The following SGCD variants were observed in gnomAD, a reference collection of about 807,000 sequenced individuals.
SGCD encodes delta-sarcoglycan.
A neutral mutation model predicts 36.6 loss-of-function variants in SGCD; 18 were observed. That is an observed-to-expected ratio of 0.49 (90% CI 0.34 to 0.73). The LOEUF (loss-of-function observed/expected upper bound fraction) is 0.73, where lower values mean the gene tolerates loss of function less well. Ranked by LOEUF, SGCD falls within the 30% of genes least tolerant of loss-of-function variation. The pLI is 0.01. For missense variants in SGCD, 387 were observed against 346.7 expected (o/e 1.12, Z -0.92); for synonymous variants, 133 against 130.6 (o/e 1.02, Z -0.12).
Position 156,615,739 on chromosome 5 carries a change from T to C in SGCD, c.502+20688T>C, listed in dbSNP as rs140357810. Among the ~76,000 whole-genome samples the C allele has an allele frequency of 1.8e-3, 279 of 152,336 alleles. 1 individual carries two copies. The highest frequency in any genetic ancestry group is 6.3e-3 in the African/African-American group (261 of 41,578). On this transcript the variant is annotated intron_variant, in intron 6 of 8. Transcript: ENST00000337851. ...CTCTCTGTCTAATCAGGGAGATAGA[T>C]ACACTTGGCAGATCTGGGAGCCCAA...
the SGCD span, among the ~76,000 whole-genome samples, chr5:155,753,130 G>A: frequency 6.6e-6 from 1 of 152,052 alleles, no homozygotes; most frequent in Non-Finnish European, 1.5e-5. Context: ...GAGGTCAAGA[G>A]ATCAAGACCA....
intron 3 of SGCD, among the ~76,000 whole-genome samples, chr5:156,280,762 T>A (rs1022360580): frequency 1.1e-4 from 16 of 152,322 alleles, no homozygotes; most frequent in African/African-American, 3.8e-4. Context: ...AGTTTCAGTG[T>A]TGGGGAAATA....
chr5:156,394,412 G>T (rs1313782138), intron 3 of SGCD, among the ~76,000 whole-genome samples: 1 of 152,092 alleles, frequency 6.6e-6, no homozygotes, highest in African/African-American at 2.4e-5. Flanking sequence ...AACCAATTTG[G>T]GAATTAACAT....
At chr5:156,390,820 G>T (rs950335705) in intron 3 of SGCD, among the ~76,000 whole-genome samples, 1 of 152,148 alleles carries the variant, frequency 6.6e-6, no homozygotes, top group African/African-American at 2.4e-5. Flanking sequence ...TTTGTGTACA[G>T]CTGTATGATG....
chr5:156,320,097 A>G (rs557586655), intron 3 of SGCD, among the ~76,000 whole-genome samples: 1,694 of 146,196 alleles, frequency 0.012, 29 homozygotes, highest in African/African-American at 0.035. Flanking sequence ...AGCCTTTGAT[A>G]TGTGTGTGTG....
intron 3 of SGCD, among the ~76,000 whole-genome samples, chr5:156,207,011 C>T (rs1299571884): frequency 6.6e-6 from 1 of 151,900 alleles, no homozygotes; most frequent in African/African-American, 2.4e-5. Flanking sequence ...ATAAAATGTT[C>T]TTTTATTGGT....
chr5:156,467,309 A>G (rs887146985), intron 3 of SGCD, among the ~76,000 whole-genome samples: 3 of 152,224 alleles, frequency 2.0e-5, no homozygotes, highest in Admixed American at 6.5e-5. Context: ...TATACCTGAT[A>G]TATTTTGGAG....
rs973201228 is a variant in SGCD at position 156,344,751 on chromosome 5, T to A, written c.192+74T>A. On this transcript the variant is annotated intron_variant, in intron 3 of 8. Transcript: ENST00000337851. ...CGTGGGGCAAGATGATGAAGGAATG[T>A]GGAAAAGTGATATTATTACAGTAGG... 6.7e-6 allele frequency: 8 copies of A among 1,190,770 alleles called. No individual in the cohort carries two copies. In the African/African-American group the frequency reaches 1.2e-4, roughly 18 times the overall value. The allele number at this position is 1,190,770 out of a possible 1,614,324, so 73.8% of individuals were successfully genotyped here. A position where few individuals can be genotyped will look rare whatever the true frequency, so the allele number is the denominator to read the frequency against.
intron 1 of SGCD, among the ~76,000 whole-genome samples, chr5:156,089,668 G>A (rs1259118119): frequency 6.6e-6 from 1 of 152,202 alleles, no homozygotes; most frequent in Non-Finnish European, 1.5e-5. Context: ...CCTCAAAATG[G>A]CATAGCCTTT....
intron 6 of SGCD, among the ~76,000 whole-genome samples, chr5:156,607,845 A>G (rs970703027): frequency 6.6e-6 from 1 of 152,084 alleles, no homozygotes; most frequent in Non-Finnish European, 1.5e-5. Flanking sequence ...AGGTGTTTAT[A>G]TTATTCTCTG....
chr5:155,738,876 A>G, the SGCD span, among the ~76,000 whole-genome samples: 4 of 120,080 alleles, frequency 3.3e-5, no homozygotes. Context: ...AGTGCGTGTG[A>G]GAGAGAGTGT....
intron 1 of SGCD, among the ~76,000 whole-genome samples, chr5:156,018,899 T>C (rs1356429550): frequency 6.6e-6 from 1 of 152,228 alleles, no homozygotes; most frequent in Non-Finnish European, 1.5e-5. Context: ...GCATAATTTT[T>C]CCCGGATTTT....
chr5:156,707,090 A>T (rs779026893), intron 7 of SGCD, among the ~76,000 whole-genome samples: 8 of 152,214 alleles, frequency 5.3e-5, no homozygotes, highest in Non-Finnish European at 1.0e-4. Context: ...TCACAGATGC[A>T]TACATAAAAA....
intron 1 of SGCD, among the ~76,000 whole-genome samples, chr5:156,101,941 T>TGTGTGTGTGTGTGTGTGA (rs1218348339): frequency 4.0e-4 from 55 of 138,342 alleles, no homozygotes; most frequent in Non-Finnish European, 6.9e-4. Flanking sequence ...TGTGTGTGTG[T>TGTGTGTGTGTGTGTGTGA]GAGAGAGAGA....
At chr5:156,146,864 C>A (rs1376418928) in intron 3 of SGCD, among the ~76,000 whole-genome samples, 1 of 152,052 alleles carries the variant, frequency 6.6e-6, no homozygotes, top group Non-Finnish European at 1.5e-5. Flanking sequence ...TTTATTATTT[C>A]CCCATTTATG....
intron 1 of SGCD, among the ~76,000 whole-genome samples, chr5:156,028,553 A>G (rs1281043859): frequency 6.6e-6 from 1 of 152,162 alleles, no homozygotes; most frequent in East Asian, 1.9e-4. Context: ...CTTAATGAAT[A>G]CTGAAAACTC....
chr5:155,985,753 T>C (rs1003851670), intron 1 of SGCD, among the ~76,000 whole-genome samples: 2 of 152,212 alleles, frequency 1.3e-5, no homozygotes, highest in Non-Finnish European at 2.9e-5. Flanking sequence ...CCATTTAAAA[T>C]AATGGCACTC....
intron 1 of SGCD, among the ~76,000 whole-genome samples, chr5:155,972,179 G>C (rs139475488): frequency 1.4e-4 from 21 of 152,130 alleles, no homozygotes; most frequent in Non-Finnish European, 2.6e-4. Context: ...TTGAGGAAAA[G>C]AATAATACAT....
chr5:155,895,913 C>T (rs1756240720), intron 1 of SGCD, among the ~76,000 whole-genome samples: 1 of 152,174 alleles, frequency 6.6e-6, no homozygotes, highest in Non-Finnish European at 1.5e-5. Flanking sequence ...AGTTAAACTT[C>T]CCTGTTGCTG....
Sources: gnomAD v4.1 joint callset for allele counts (sites outside exome capture counted in the v4.1 genomes callset) on GRCh38, gnomAD v4.1.1 for gene constraint, MANE v1.5 for transcripts, NCBI Gene and HGNC (gene_info 2026-07-23, HGNC 2026-07-21) for gene names.